Variants in AGPAT4 observed in about 807,000 individuals in gnomAD.
The protein encoded by AGPAT4 is 1-acyl-sn-glycerol-3-phosphate acyltransferase delta.
AGPAT4 carries 15 observed loss-of-function variants against 48.0 expected under a neutral mutation model. The observed-to-expected ratio is 0.31, with a 90% confidence interval of 0.21 to 0.48. AGPAT4 has a LOEUF of 0.48. Among genes scored for constraint, AGPAT4 ranks in the 20% least tolerant of loss-of-function variants. The pLI is 0.99. For synonymous variants in AGPAT4, 178 were observed against 198.7 expected (o/e 0.90, Z 0.88); for missense variants, 314 against 482.5 (o/e 0.65, Z 3.27).
chr6:161,228,766 T>C, intron 2 of AGPAT4, among the ~76,000 whole-genome samples: 1 of 151,378 alleles, frequency 6.6e-6, no homozygotes. Context: ...CCCCACTTCT[T>C]CCAACTTTCT....
Position 161,248,529 on chromosome 6 carries a change from G to A in AGPAT4, c.-89-16227C>T, listed in dbSNP as rs187394391. On this transcript the variant is annotated intron_variant, in intron 1 of 8. Coordinates refer to ENST00000320285, the MANE Select transcript of AGPAT4 (RefSeq NM_020133.3). ...GTGGAGCTTGCAGTGAGCCAAGATC[G>A]TGCCACTGCACTCCAGCCTGGGTGA... Among the ~76,000 whole-genome samples the A allele has an allele frequency of 2.8e-3, 411 of 144,316 alleles. 3 individuals carry two copies. The highest frequency in any genetic ancestry group is 9.8e-3 in the African/African-American group (379 of 38,506). 94.7% of individuals were successfully genotyped at this position (144,316 alleles called of 152,430 possible).
At chr6:161,273,581 C>G (rs1350165091) in intron 1 of AGPAT4, among the ~76,000 whole-genome samples, 1 of 152,172 alleles carries the variant, frequency 6.6e-6, no homozygotes, top group African/African-American at 2.4e-5. Flanking sequence ...CACCACCCCC[C>G]GCCCAGCTTC....
intron 2 of AGPAT4, among the ~76,000 whole-genome samples, chr6:161,209,386 C>T (rs975471409): frequency 6.6e-6 from 1 of 152,220 alleles, no homozygotes; most frequent in African/African-American, 2.4e-5. Flanking sequence ...AAAGCCTTGC[C>T]AAGCTGCTAG....
chr6:161,164,038 G>A lies in AGPAT4; in HGVS notation c.348+2210C>T, dbSNP rs1780018579. ...ATCACCGATGAAATCAAGGGGAGGTGCGGTCCCTATGCTGCAGGTGGGATG... is the reference window on the plus strand; with the variant it reads ...ATCACCGATGAAATCAAGGGGAGGTACGGTCCCTATGCTGCAGGTGGGATG... On this transcript the variant is annotated intron_variant, in intron 3 of 8. Transcript: ENST00000320285. This position sits in a 1 kb window ranked among gnomAD's most constrained non-coding sequence, Gnocchi z 7.4. Among the ~76,000 whole-genome samples the A allele has an allele frequency of 6.6e-6, 1 of 152,210 alleles. No homozygotes were observed. Among genetic ancestry groups the A allele is most frequent in the Non-Finnish European group, 1.5e-5 (1 of 68,034 alleles).
At chr6:161,205,730 G>A (rs1207290219) in intron 2 of AGPAT4, among the ~76,000 whole-genome samples, 1 of 80,600 alleles carries the variant, frequency 1.2e-5, no homozygotes. Context: ...CAGAAAGGTT[G>A]AAATTACAAT....
At chr6:161,207,253 A>C (rs937239121) in intron 2 of AGPAT4, among the ~76,000 whole-genome samples, 3 of 152,226 alleles carry the variant, frequency 2.0e-5, no homozygotes, top group African/African-American at 7.2e-5. Flanking sequence ...TCAGTCATTG[A>C]AGATATAAGA....
Position 161,161,152 on chromosome 6 carries a change from C to T in AGPAT4, c.348+5096G>A, listed in dbSNP as rs1228310019. ...CTTTCAACAACCCTGGCTTTATGAG[C>T]GGTGGGATCAGACTCTGGCTTGTTA... On this transcript the variant is annotated intron_variant, in intron 3 of 8. Coordinates refer to ENST00000320285, the MANE Select transcript of AGPAT4 (RefSeq NM_020133.3). This position sits in a 1 kb window ranked among gnomAD's most constrained non-coding sequence, Gnocchi z 4.6. The T allele has an allele frequency of 2.8e-5, 13 of 456,570 alleles. No individual in the cohort carries two copies. The highest frequency in any genetic ancestry group is 9.4e-5 in the Admixed American group (4 of 42,562). The allele number at this position is 456,570 out of a possible 1,614,324, so 28.3% of individuals were successfully genotyped here.
At position 161,217,781 on chromosome 6, in the gene AGPAT4, T is replaced by TCC. The variant is rs1019173469; in HGVS notation, c.178+14253_178+14254dup. On this transcript the variant is annotated intron_variant, in intron 2 of 8. Coordinates refer to ENST00000320285, the MANE Select transcript of AGPAT4 (RefSeq NM_020133.3). The surrounding 1 kb of genome is among the most constrained non-coding windows in gnomAD (Gnocchi z 4.9). The stretch of plus-strand genomic sequence containing the variant: ...TCAGGGAGTCCAGCCAGAAACCTCC[T>TCC]CCCCTGACCCCGCCTGCCCAGGCCA... Among the ~76,000 whole-genome samples the TCC allele has an allele frequency of 2.6e-5, 4 of 152,110 alleles. No individual in the cohort carries two copies. The highest frequency in any genetic ancestry group is 9.7e-5 in the African/African-American group (4 of 41,408).
Position 161,223,025 on chromosome 6 carries a change from G to A in AGPAT4, c.178+9011C>T, listed in dbSNP as rs762715901. Among the ~76,000 whole-genome samples, 11 of 152,072 alleles carry A rather than the reference G, an allele frequency of 7.2e-5. No homozygotes were observed. Among genetic ancestry groups the A allele is most frequent in the South Asian group, 6.2e-4 (3 of 4,820 alleles). On this transcript the variant is annotated intron_variant, in intron 2 of 8. Coordinates refer to ENST00000320285, the MANE Select transcript of AGPAT4 (RefSeq NM_020133.3). This position sits in a 1 kb window ranked among gnomAD's most constrained non-coding sequence, Gnocchi z 6.3. Reference sequence around the variant, plus strand: ...CACCTGGCTTGTGATGCTGCTTCACGGGGACGTCGCTGCGCCCTGCACAGG... The same window carrying A: ...CACCTGGCTTGTGATGCTGCTTCACAGGGACGTCGCTGCGCCCTGCACAGG...
chr6:161,183,560 C>T (rs1780661404), intron 2 of AGPAT4, among the ~76,000 whole-genome samples: 1 of 146,100 alleles, frequency 6.8e-6, no homozygotes, highest in Non-Finnish European at 1.5e-5. Flanking sequence ...GTGGAGGCTG[C>T]AGTGAGCTGA....
chr6:161,194,572 A>G lies in AGPAT4; in HGVS notation c.179-28155T>C, dbSNP rs576033033. ...TGTATGTGTGCATGTGTGTATGTGT[A>G]TGTGTGTATATATGTGTATGTATGT... On this transcript the variant is annotated intron_variant, in intron 2 of 8. Transcript: ENST00000320285. Among the ~76,000 whole-genome samples the G allele has an allele frequency of 6.1e-5, 9 of 146,386 alleles. 1 individual carries two copies. Among genetic ancestry groups the G allele is most frequent in the African/African-American group, 1.9e-4 (7 of 36,866 alleles).
chr6:161,153,326 G>T lies in AGPAT4; in HGVS notation c.664+20C>A. ...TCCTCGCTGCCACGGGGAGGCCCAG[G>T]GCCACGCACTCTTCCTTACCTACAT... On this transcript the variant is annotated intron_variant, in intron 5 of 8. Coordinates refer to ENST00000320285, the MANE Select transcript of AGPAT4 (RefSeq NM_020133.3). 6.3e-7 allele frequency: 1 copy of T among 1,596,330 alleles called. No homozygotes were observed. The highest frequency in any genetic ancestry group is 1.1e-5 in the South Asian group (1 of 88,290).
chr6:161,247,788 G>C (rs763337950), intron 1 of AGPAT4, among the ~76,000 whole-genome samples: 1 of 151,950 alleles, frequency 6.6e-6, no homozygotes, highest in Non-Finnish European at 1.5e-5. Flanking sequence ...TTCGAGACCA[G>C]CCTGAACAAC....
At chr6:161,192,873 T>C (rs1435422832) in intron 2 of AGPAT4, among the ~76,000 whole-genome samples, 3 of 152,234 alleles carry the variant, frequency 2.0e-5, no homozygotes, top group Non-Finnish European at 4.4e-5. Context: ...GGGAAGAAGT[T>C]AGACTTTAGG....
intron 2 of AGPAT4, among the ~76,000 whole-genome samples, chr6:161,185,872 T>G (rs925067367): frequency 2.6e-5 from 4 of 152,232 alleles, no homozygotes; most frequent in Admixed American, 2.6e-4. Flanking sequence ...GATTTTCTTT[T>G]TTTTAATTTC....
chr6:161,188,626 C>A (rs967190553), intron 2 of AGPAT4, among the ~76,000 whole-genome samples: 2 of 152,144 alleles, frequency 1.3e-5, no homozygotes, highest in Non-Finnish European at 2.9e-5. Context: ...ACTAAAAAAT[C>A]ATGTGTATAT....
At chr6:161,239,654 T>C (rs1782424201) in intron 1 of AGPAT4, among the ~76,000 whole-genome samples, 1 of 152,222 alleles carries the variant, frequency 6.6e-6, no homozygotes, top group African/African-American at 2.4e-5. Context: ...TTATTGAAGC[T>C]CTTTTGACCT....
rs1394459466 is a variant in AGPAT4 at position 161,223,073 on chromosome 6, T to G, written c.178+8963A>C. 1.3e-5 allele frequency among the ~76,000 whole-genome samples: 2 copies of G among 152,160 alleles called. No individual in the cohort carries two copies. Among genetic ancestry groups the G allele is most frequent in the Non-Finnish European group, 2.9e-5 (2 of 68,018 alleles). The stretch of plus-strand genomic sequence containing the variant: ...AGGATGGCTGGGCTGTCCCCTTCCC[T>G]GCACTCCCTGTGTACCTCCAGTCTA... On this transcript the variant is annotated intron_variant, in intron 2 of 8. Coordinates refer to ENST00000320285, the MANE Select transcript of AGPAT4 (RefSeq NM_020133.3). This position sits in a 1 kb window ranked among gnomAD's most constrained non-coding sequence, Gnocchi z 6.3.
At chr6:161,224,305 G>C (rs1006875984) in intron 2 of AGPAT4, among the ~76,000 whole-genome samples, 4 of 152,126 alleles carry the variant, frequency 2.6e-5, no homozygotes, top group Non-Finnish European at 5.9e-5. Flanking sequence ...TATAACATGT[G>C]GCAAGTAGAA....
Sources: gnomAD v4.1 joint callset for allele counts (sites outside exome capture counted in the v4.1 genomes callset) on GRCh38, gnomAD v4.1.1 for gene constraint, Gnocchi (gnomAD v3.1) non-coding constraint, MANE v1.5 for transcripts, NCBI Gene and HGNC (gene_info 2026-07-23, HGNC 2026-07-21) for gene names.